FAM136A: variants seen among roughly 807,000 people sequenced by gnomAD.
FAM136A encodes TIM double twin CX3C motif protein.
Under a neutral mutation model 21.6 loss-of-function variants are expected in FAM136A, and 25 were observed. The observed-to-expected ratio is 1.16, with a 90% confidence interval of 0.84 to 1.62. The LOEUF (loss-of-function observed/expected upper bound fraction) is 1.62. FAM136A is among the 40% of genes most tolerant of loss of function. The pLI, the probability that FAM136A is intolerant of heterozygous loss-of-function variation, is 0.00. For missense variants in FAM136A, 338 were observed against 332.0 expected (o/e 1.02, Z -0.14); for synonymous variants, 119 against 129.4 (o/e 0.92, Z 0.55).
Position 70,301,663 on chromosome 2 carries a change from T to C in FAM136A, c.349A>G (p.Ser117Gly). Residue 117 changes from serine to glycine, a missense_variant, in exon 1 of 3, where the codon AGC becomes GGC. Ser to Gly is a moderately conservative substitution (Grantham distance 56, BLOSUM62 0). Transcript: ENST00000430566. ...GQERPRRQVG[S>G]PWWQALAPPP... ...GGGGCGAGCGCCTGCCACCAGGGGC[T>C]TCCCACCTGCCGCCGAGGACGCTCC... is the stretch of plus-strand genomic sequence containing the variant. The C allele has an allele frequency of 1.3e-6, 2 of 1,535,040 alleles. No homozygotes were observed. The highest frequency in any genetic ancestry group is 2.7e-5 in the African/African-American group (2 of 73,150).
intron 1 of FAM136A, 160 bp downstream of exon 1, chr2:70,301,444 T>C (rs939007743): frequency 8.5e-5 from 130 of 1,535,420 alleles, no homozygotes; most frequent in Middle Eastern, 1.7e-4. Context: ...CACAGAGGCA[T>C]TGCGGGGCTC....
intron 2 of FAM136A, among the ~76,000 whole-genome samples, chr2:70,298,039 C>G (rs1697301144): frequency 6.6e-6 from 1 of 151,740 alleles, no homozygotes; most frequent in Non-Finnish European, 1.5e-5. Flanking sequence ...GCAGAACATT[C>G]TTCCAGGAAA....
chr2:70,297,326 T>C lies in FAM136A; in HGVS notation c.701A>G (p.Lys234Arg), dbSNP rs772576584. 1.2e-6 allele frequency: 2 copies of C among 1,613,868 alleles called. No individual in the cohort carries two copies. The highest frequency in any genetic ancestry group is 2.2e-5 in the East Asian group (1 of 44,900). Residue 234 changes from lysine to arginine, a missense_variant, in exon 3 of 3, where the codon AAG becomes AGG. Physicochemically the swap from Lys to Arg is conservative, Grantham distance 26. Transcript: ENST00000430566. ...DHMHLIPTMTKKMKEALLSIG... is the reference protein window; with the variant it reads ...DHMHLIPTMTRKMKEALLSIG... ...TGATAAGAGAGCCTCCTTCATCTTC[T>C]TGGTCATAGTTGGGATGAGGTGCAT...
Position 70,296,068 on chromosome 2 carries a change from T to G in FAM136A, c.*1221A>C, listed in dbSNP as rs1241675881. On this transcript the variant is annotated 3_prime_UTR_variant, in exon 3 of 3. Coordinates refer to ENST00000430566, the MANE Select transcript of FAM136A (RefSeq NM_001329752.2). The stretch of plus-strand genomic sequence containing the variant: ...AACAGCAAACGGACAGGCTATATTA[T>G]AATTTCAAGTAATAAGTTGGTGAAA... 1 of 152,558 alleles carries G rather than the reference T, an allele frequency of 6.6e-6. No individual in the cohort carries two copies. The highest frequency in any genetic ancestry group is 2.4e-5 in the African/African-American group (1 of 41,440). The allele number at this position is 152,558 out of a possible 1,614,324, so 9.5% of individuals were successfully genotyped here.
chr2:70,301,694 C>A lies in FAM136A; in HGVS notation c.318G>T (p.Pro106=). The A allele has an allele frequency of 6.5e-7, 1 of 1,535,358 alleles. No homozygotes were observed. The highest frequency in any genetic ancestry group is 8.7e-7 in the Non-Finnish European group (1 of 1,146,246). The part of the protein sequence containing the change: ...CARLFSAPSS[P]GQERPRRQVG... The stretch of plus-strand genomic sequence containing the variant: ...CCTGCCGCCGAGGACGCTCCTGCCC[C>A]GGGCTGGAAGGGGCGGAAAACAGCC... Residue 106 remains proline, a synonymous_variant, in exon 1 of 3, where the codon CCG becomes CCT. Transcript: ENST00000430566.
At chr2:70,301,308 A>G in intron 1 of FAM136A, 1 of 1,369,298 alleles carries the variant, frequency 7.3e-7, no homozygotes, top group Non-Finnish European at 9.6e-7. Flanking sequence ...AGCCTCTTCC[A>G]TGGGGTTCAG....
In FAM136A at chr2:70,302,022, C is replaced by T. The variant is rs1697425324; in HGVS notation, c.-11G>A. On this transcript the variant is annotated 5_prime_UTR_variant, in exon 1 of 3. Coordinates refer to ENST00000430566, the MANE Select transcript of FAM136A (RefSeq NM_001329752.2). ...CTGCAGCTCAGCCATGGCGACCCCG[C>T]GCTGCCCCGCGGCGCTCCGCGCCGG... 6.3e-7 allele frequency: 1 copy of T among 1,578,366 alleles called. No homozygotes were observed. The highest frequency in any genetic ancestry group is 8.6e-7 in the Non-Finnish European group (1 of 1,165,654).
Position 70,297,486 on chromosome 2 carries a change from A to G in FAM136A, c.550-9T>C, listed in dbSNP as rs192917701. The G allele has an allele frequency of 3.2e-4, 388 of 1,215,934 alleles. 3 individuals carry two copies. In the East Asian group the frequency reaches 0.012, roughly 37 times the overall value. The allele number at this position is 1,215,934 out of a possible 1,614,324, so 75.3% of individuals were successfully genotyped here. A position where few individuals can be genotyped will look rare whatever the true frequency, so the allele number is the denominator to read the frequency against. On this transcript the variant is annotated splice_polypyrimidine_tract_variant and intron_variant, in intron 2 of 2. Transcript: ENST00000430566. ...CACCGGGCCAGGCGGTCCTGTGGCA[A>G]GAAGGAAGAACGTAGAAAAAGCTGA...
At position 70,301,596 on chromosome 2, in the gene FAM136A, C is replaced by T. The variant is rs1046700274; in HGVS notation, c.408+8G>A. On this transcript the variant is annotated splice_region_variant and intron_variant, in intron 1 of 2. Coordinates refer to ENST00000430566, the MANE Select transcript of FAM136A (RefSeq NM_001329752.2). Reference sequence around the variant, plus strand: ...GGCAGCGCCTCTGCTGGGCCTCGGGCCGCTCACCTGCGGAAGGGGCCGCGT... The same window carrying T: ...GGCAGCGCCTCTGCTGGGCCTCGGGTCGCTCACCTGCGGAAGGGGCCGCGT... 24 of 1,535,798 alleles carry T rather than the reference C, an allele frequency of 1.6e-5. No individual in the cohort carries two copies. The highest frequency in any genetic ancestry group is 2.1e-5 in the Non-Finnish European group (24 of 1,146,736).
In FAM136A at chr2:70,300,902, G is replaced by C; in HGVS notation, c.487C>G (p.Arg163Gly). The change falls in exon 2 of 3, where the codon CGC (arginine) becomes GGC (glycine). Residue 163 changes from arginine (R) to glycine (G), a missense_variant. Transcript: ENST00000430566. ...GCTTGAGCCAGAGGCACATGGCAGC[G>C]CTCGATGCACTGGTGCACCTGCTTC... ...SMKQVHQCIE[R>G]CHVPLAQAQA... 4 of 1,613,818 alleles carry C rather than the reference G, an allele frequency of 2.5e-6. No individual in the cohort carries two copies. The highest frequency in any genetic ancestry group is 3.4e-6 in the Non-Finnish European group (4 of 1,179,696).
intron 2 of FAM136A, 142 bp from the exon 3 acceptor site, chr2:70,297,619 AAG>A: frequency 5.8e-6 from 3 of 518,066 alleles, no homozygotes; most frequent in African/African-American, 2.4e-5. Flanking sequence ...GTGATTGGCC[AAG>A]TTTTTTTTTT....
At chr2:70,300,652 C>G in intron 2 of FAM136A, 188 bp downstream of exon 2, 1 of 590,240 alleles carries the variant, frequency 1.7e-6, no homozygotes. Context: ...AAATGATGTT[C>G]AACTTAAGGC....
Position 70,301,682 on chromosome 2 carries a change from A to G in FAM136A, c.330T>C (p.Arg110=), listed in dbSNP as rs1336192695. The change falls in exon 1 of 3, where the codon CGT becomes CGC. Residue 110 remains arginine (R), a synonymous_variant. Coordinates refer to ENST00000430566, the MANE Select transcript of FAM136A (RefSeq NM_001329752.2). ...AGGGGCTTCCCACCTGCCGCCGAGG[A>G]CGCTCCTGCCCCGGGCTGGAAGGGG... ...FSAPSSPGQE[R]PRRQVGSPWW... 6.5e-7 allele frequency: 1 copy of G among 1,535,082 alleles called. No individual in the cohort carries two copies. The highest frequency in any genetic ancestry group is 2.0e-5 in the Admixed American group (1 of 50,956).
chr2:70,301,584 C>T lies in FAM136A; in HGVS notation c.408+20G>A, dbSNP rs975159356. The T allele has an allele frequency of 2.0e-6, 3 of 1,535,878 alleles. No homozygotes were observed. Among genetic ancestry groups the T allele is most frequent in the African/African-American group, 1.4e-5 (1 of 73,056 alleles). On this transcript the variant is annotated intron_variant, in intron 1 of 2. Transcript: ENST00000430566. ...GTCTTTCACGTTGGCAGCGCCTCTG[C>T]TGGGCCTCGGGCCGCTCACCTGCGG...
chr2:70,299,739 T>A (rs1441776448), intron 2 of FAM136A, among the ~76,000 whole-genome samples: 1 of 152,044 alleles, frequency 6.6e-6, no homozygotes, highest in Non-Finnish European at 1.5e-5. Flanking sequence ...TAGCTGGGAC[T>A]ACAGGCGCCC....
rs144063803 is a variant in FAM136A at position 70,300,971 on chromosome 2, A to G, written c.418T>C (p.Phe140Leu). The change falls in exon 2 of 3, where the codon TTC (phenylalanine) becomes CTC (leucine). Residue 140 changes from phenylalanine to leucine, a missense_variant. Coordinates refer to ENST00000430566, the MANE Select transcript of FAM136A (RefSeq NM_001329752.2). ...TCACAACAGCTGGCGCTGCACCGGAACATGAGACCCTGGGGAGAAAGGGCA... is the reference window on the plus strand; with the variant it reads ...TCACAACAGCTGGCGCTGCACCGGAGCATGAGACCCTGGGGAGAAAGGGCA... ...LTRPLPQGLM[F>L]RCSASCCEDS... 3.1e-6 allele frequency: 5 copies of G among 1,611,366 alleles called. No individual in the cohort carries two copies. The African/African-American group carries it at 6.7e-5, about 22-fold the overall frequency.
chr2:70,301,780 C>CT lies in FAM136A; in HGVS notation c.231_232insA (p.Gly78ArgfsTer12). On this transcript the variant is annotated frameshift_variant, in exon 1 of 3. Coordinates refer to ENST00000430566, the MANE Select transcript of FAM136A (RefSeq NM_001329752.2). LOFTEE classifies it high-confidence loss of function. ...CCGCCAAAGCTTCCGAAGTCCTGTC[C>CT]GAGGCCGCCCCGGCGACCCCAGGGC... 2 of 1,546,298 alleles carry CT rather than the reference C, an allele frequency of 1.3e-6. No individual in the cohort carries two copies. The highest frequency in any genetic ancestry group is 1.7e-6 in the Non-Finnish European group (2 of 1,146,076).
chr2:70,300,717 C>T, intron 2 of FAM136A, 123 bp downstream of exon 2: 1 of 1,187,314 alleles, frequency 8.4e-7, no homozygotes, highest in East Asian at 2.6e-5. Context: ...ACTGGTTGGC[C>T]ATCAGTATCA....
At chr2:70,298,769 A>T (rs1171525960) in intron 2 of FAM136A, among the ~76,000 whole-genome samples, 3 of 152,186 alleles carry the variant, frequency 2.0e-5, no homozygotes. Flanking sequence ...TGGGGAAGAG[A>T]GAGCAAAGGA....
Sources: allele counts gnomAD v4.1 joint callset (sites outside exome capture counted in the v4.1 genomes callset), GRCh38; gene constraint gnomAD v4.1.1; transcripts MANE v1.5; gene names NCBI Gene and HGNC (gene_info 2026-07-23, HGNC 2026-07-21).